The following SNX29 variants were observed in gnomAD, a reference collection of about 807,000 sequenced individuals.
SNX29 encodes sorting nexin 29.
Under a neutral mutation model 102.1 loss-of-function variants are expected in SNX29, and 78 were observed. That is an observed-to-expected ratio of 0.76 (90% CI 0.64 to 0.92). The LOEUF is 0.92. SNX29 is among the 40% of genes least tolerant of loss of function. SNX29 has a pLI of 0.00. For synonymous variants in SNX29, 580 were observed against 414.5 expected, an observed-to-expected ratio of 1.40 and a Z score of -4.85; for missense variants, 1,280 against 1,061.7, an observed-to-expected ratio of 1.21 and a Z score of -2.86.
At chr16:12,236,311 G>C (rs1226302358) in intron 14 of SNX29, among the ~76,000 whole-genome samples, 3 of 152,196 alleles carry the variant, frequency 2.0e-5, no homozygotes, top group African/African-American at 7.2e-5. Context: ...TGGGGAGTCT[G>C]AGGAGGGCAT....
intron 15 of SNX29, among the ~76,000 whole-genome samples, chr16:12,285,632 G>A (rs1255303577): frequency 1.3e-5 from 2 of 152,172 alleles, no homozygotes; most frequent in African/African-American, 4.8e-5. Flanking sequence ...GAAGCAGCCA[G>A]GACCTTGGGA....
chr16:12,242,579 T>C (rs796405520), intron 14 of SNX29, among the ~76,000 whole-genome samples: 8 of 149,734 alleles, frequency 5.3e-5, no homozygotes, highest in East Asian at 1.9e-4. Context: ...TTCTTCTTCT[T>C]TTCTTCTTCT....
chr16:12,447,441 A>G (rs573116614), intron 18 of SNX29, among the ~76,000 whole-genome samples: 3 of 152,200 alleles, frequency 2.0e-5, no homozygotes, highest in African/African-American at 7.2e-5. Flanking sequence ...AAGATTCTCA[A>G]TCAGTACTTT....
chr16:12,477,328 C>G (rs968492864), intron 18 of SNX29, among the ~76,000 whole-genome samples: 2 of 152,206 alleles, frequency 1.3e-5, no homozygotes, highest in Admixed American at 6.5e-5. Flanking sequence ...AGGTGCTCCT[C>G]TCAGCTCTGT....
Position 12,558,648 on chromosome 16 carries a change from C to T in SNX29, c.2319-9858C>T, listed in dbSNP as rs150460170. Among the ~76,000 whole-genome samples, 582 of 152,346 alleles carry T rather than the reference C, an allele frequency of 3.8e-3. 2 individuals are homozygous for T. Among genetic ancestry groups the T allele is most frequent in the African/African-American group, 0.013 (556 of 41,582 alleles). On this transcript the variant is annotated intron_variant, in intron 20 of 20. Transcript: ENST00000566228. ...CCCGAGCTTAAAAGAAACCTATTCT[C>T]CATCCCACCCAATCCTGCTGGTCCT...
intron 16 of SNX29, among the ~76,000 whole-genome samples, chr16:12,358,758 T>A (rs1459579750): frequency 6.6e-6 from 1 of 152,218 alleles, no homozygotes; most frequent in Non-Finnish European, 1.5e-5. Context: ...CATACCCTTT[T>A]TATCCAATCA....
chr16:12,477,669 C>G (rs769595212), intron 18 of SNX29, 50 bp from the exon 19 acceptor site: 2 of 1,596,594 alleles, frequency 1.3e-6, no homozygotes, highest in South Asian at 1.1e-5. Flanking sequence ...AAATCCTACT[C>G]CTTTATAATA....
intron 15 of SNX29, among the ~76,000 whole-genome samples, chr16:12,341,577 A>G (rs1339227823): frequency 2.0e-5 from 3 of 152,270 alleles, no homozygotes; most frequent in Non-Finnish European, 2.9e-5. Flanking sequence ...CCCAAGGGCA[A>G]CAGTGGGACT....
chr16:12,199,678 C>G lies in SNX29; in HGVS notation c.1673C>G (p.Ala558Gly), dbSNP rs1158170425. 1 of 1,611,452 alleles carries G rather than the reference C, an allele frequency of 6.2e-7. No individual in the cohort carries two copies. The highest frequency in any genetic ancestry group is 1.7e-5 in the Admixed American group (1 of 59,810). The change falls in exon 14 of 21, where the codon GCT becomes GGT. Residue 558 changes from alanine (A) to glycine (G), a missense_variant. By Grantham distance (60) the Ala-to-Gly change is moderately conservative. Coordinates refer to ENST00000566228, the MANE Select transcript of SNX29 (RefSeq NM_032167.5). ...VQMLKREGQT[A>G]EVPNLWSVDG... Reference sequence around the variant, plus strand: ...ATGCTGAAAAGAGAAGGTCAAACAGCTGAAGGTGAGGGGGAGCCTGAGCCC... The same window carrying G: ...ATGCTGAAAAGAGAAGGTCAAACAGGTGAAGGTGAGGGGGAGCCTGAGCCC...
intron 13 of SNX29, among the ~76,000 whole-genome samples, chr16:12,152,569 G>A (rs1298665898): frequency 1.3e-5 from 2 of 152,122 alleles, no homozygotes; most frequent in African/African-American, 4.8e-5. Flanking sequence ...ATCAAATGGG[G>A]CAAACCACCA....
At chr16:12,526,902 T>C (rs2076799482) in intron 20 of SNX29, 2 of 394,808 alleles carry the variant, frequency 5.1e-6, no homozygotes, top group East Asian at 8.7e-5. Context: ...ATCTCAGCCA[T>C]GCTGGTTGCC....
intron 19 of SNX29, among the ~76,000 whole-genome samples, chr16:12,493,643 C>G (rs1211407855): frequency 6.6e-6 from 1 of 152,196 alleles, no homozygotes; most frequent in East Asian, 1.9e-4. Flanking sequence ...CCAGGCTGGA[C>G]TGCAGTGGCA....
At chr16:12,083,221 G>A (rs985890886) in intron 11 of SNX29, among the ~76,000 whole-genome samples, 2 of 151,116 alleles carry the variant, frequency 1.3e-5, no homozygotes, top group Non-Finnish European at 2.9e-5. Flanking sequence ...CAGGAGAATC[G>A]CTTGAACCTG....
intron 18 of SNX29, among the ~76,000 whole-genome samples, chr16:12,462,014 T>TCACACAC (rs1374785171): frequency 1.0e-4 from 6 of 59,434 alleles, no homozygotes; most frequent in African/African-American, 3.0e-4. Flanking sequence ...TATATATATG[T>TCACACAC]ATACACACAC....
At chr16:12,009,873 G>A (rs555065236) in intron 3 of SNX29, among the ~76,000 whole-genome samples, 2 of 152,354 alleles carry the variant, frequency 1.3e-5, no homozygotes, top group Non-Finnish European at 2.9e-5. Flanking sequence ...GACTAGAAAC[G>A]TGATTGTTCC....
chr16:12,397,534 T>G (rs2083764465), intron 16 of SNX29, among the ~76,000 whole-genome samples: 1 of 152,176 alleles, frequency 6.6e-6, no homozygotes, highest in South Asian at 2.1e-4. Flanking sequence ...GTGTTCTCTT[T>G]TTTCACTTCA....
chr16:12,094,597 T>TG (rs1482445549), intron 11 of SNX29, among the ~76,000 whole-genome samples: 4 of 152,172 alleles, frequency 2.6e-5, no homozygotes, highest in Non-Finnish European at 4.4e-5. Flanking sequence ...GGTTCTTAGC[T>TG]GGGGGTGATT....
At chr16:12,261,802 G>T (rs1352723412) in intron 14 of SNX29, among the ~76,000 whole-genome samples, 1 of 139,466 alleles carries the variant, frequency 7.2e-6, no homozygotes, top group Non-Finnish European at 1.5e-5. Context: ...TCGGGTCTGT[G>T]CACGTGTCCC....
Position 12,014,560 on chromosome 16 carries a change from C to T in SNX29, c.122+11517C>T, listed in dbSNP as rs534458779. Among the ~76,000 whole-genome samples the T allele has an allele frequency of 1.2e-4, 18 of 151,898 alleles. 1 individual carries two copies. The Middle Eastern group carries it at 0.01, about 86-fold the overall frequency. On this transcript the variant is annotated intron_variant, in intron 3 of 20. Transcript: ENST00000566228. ...CCCGCCTGACCAACATAGAGAAACC[C>T]TGTCTCTACTAAAAATACAAAATTA... is the stretch of plus-strand genomic sequence containing the variant.
Sources: allele counts gnomAD v4.1 joint callset (sites outside exome capture counted in the v4.1 genomes callset), GRCh38; gene constraint gnomAD v4.1.1; transcripts MANE v1.5; gene names NCBI Gene and HGNC (gene_info 2026-07-23, HGNC 2026-07-21).